MCPH1: variants seen among roughly 807,000 people sequenced by gnomAD.
MCPH1 encodes microcephalin 1.
A neutral mutation model predicts 84.5 loss-of-function variants in MCPH1; 104 were observed. The ratio of observed to expected loss-of-function variants is 1.23; its 90% CI spans 1.05 to 1.45. The LOEUF is 1.45. Ranked by LOEUF, MCPH1 falls within the 40% of genes most tolerant of loss-of-function variation. The probability of loss-of-function intolerance (pLI) is 0.00; values close to 1 mark genes in which losing one functional copy is unlikely to be tolerated. For missense variants in MCPH1, 1,498 were observed against 1,005.7 expected (o/e 1.49, Z -6.62); for synonymous variants, 514 against 366.8 (o/e 1.40, Z -4.58).
Position 6,563,082 on chromosome 8 carries a change from G to A in MCPH1, c.2215-58372G>A. On this transcript the variant is annotated intron_variant, in intron 12 of 13. Transcript: ENST00000344683. ...AAGTCTTCTCTTTCCTCTTTTTCCA[G>A]TAGCAAACCTGGTTTTTACTGCTGT... 14 of 840,888 alleles carry A rather than the reference G, an allele frequency of 1.7e-5. No individual in the cohort carries two copies. In the South Asian group the frequency reaches 2.3e-4, roughly 14 times the overall value. 52.1% of individuals were successfully genotyped at this position (840,888 alleles called of 1,614,324 possible).
intron 12 of MCPH1, among the ~76,000 whole-genome samples, chr8:6,544,104 C>G (rs1018714295): frequency 2.6e-5 from 4 of 152,208 alleles, no homozygotes; most frequent in Admixed American, 6.5e-5. Flanking sequence ...AATAGTATAA[C>G]TTTTTGTTTT....
intron 8 of MCPH1, among the ~76,000 whole-genome samples, chr8:6,454,049 GT>G (rs1035239453): frequency 6.6e-6 from 1 of 152,118 alleles, no homozygotes; most frequent in African/African-American, 2.4e-5. Context: ...AAGAGTGACA[GT>G]TTTTACCTTA....
intron 8 of MCPH1, among the ~76,000 whole-genome samples, chr8:6,449,826 C>G (rs1804881733): frequency 6.6e-6 from 1 of 152,154 alleles, no homozygotes; most frequent in Admixed American, 6.5e-5. Flanking sequence ...CCACCTGACC[C>G]TTAGCACTGC....
At chr8:6,493,354 T>G (rs1810867100) in intron 11 of MCPH1, among the ~76,000 whole-genome samples, 2 of 152,208 alleles carry the variant, frequency 1.3e-5, no homozygotes, top group African/African-American at 4.8e-5. Context: ...TGTGTTCAAT[T>G]GAGGTGAGCT....
intron 12 of MCPH1, among the ~76,000 whole-genome samples, chr8:6,536,090 A>G (rs1820438398): frequency 6.6e-6 from 1 of 152,084 alleles, no homozygotes; most frequent in Non-Finnish European, 1.5e-5. Context: ...AAAAGTAAAA[A>G]TACTTATGTT....
Position 6,554,791 on chromosome 8 carries a change from A to C in MCPH1, c.2214+54862A>C, listed in dbSNP as rs1323244400. Among the ~76,000 whole-genome samples the C allele has an allele frequency of 3.3e-5, 5 of 152,194 alleles. No individual in the cohort carries two copies. In the East Asian group the frequency reaches 5.8e-4, roughly 18 times the overall value. On this transcript the variant is annotated intron_variant, in intron 12 of 13. Coordinates refer to ENST00000344683, the MANE Select transcript of MCPH1 (RefSeq NM_024596.5). The stretch of plus-strand genomic sequence containing the variant: ...AGTCCACAGGTTTCAATCAGGTTCT[A>C]GATGAATTGCAAAGAGAAAGGTTTT...
intron 12 of MCPH1, among the ~76,000 whole-genome samples, chr8:6,532,143 C>CA (rs1374140864): frequency 3.9e-5 from 6 of 152,140 alleles, no homozygotes; most frequent in African/African-American, 1.4e-4. Flanking sequence ...GTATTAAAAA[C>CA]AAAAACAGAT....
intron 9 of MCPH1, among the ~76,000 whole-genome samples, chr8:6,468,768 G>A (rs186709242): frequency 5.3e-4 from 81 of 151,462 alleles, no homozygotes; most frequent in African/African-American, 1.9e-3. Context: ...GTTTGGAAAA[G>A]GTATTGTAGT....
intron 12 of MCPH1, among the ~76,000 whole-genome samples, chr8:6,542,860 A>G (rs1821862417): frequency 6.6e-6 from 1 of 151,990 alleles, no homozygotes; most frequent in East Asian, 1.9e-4. Flanking sequence ...AATGGCTAGA[A>G]AAGGGAAAAG....
chr8:6,615,628 C>G (rs1395839396), intron 12 of MCPH1: 1 of 152,184 alleles, frequency 6.6e-6, no homozygotes, highest in African/African-American at 2.4e-5. Context: ...CACATTTTAT[C>G]TTTTAAATGT....
At chr8:6,551,821 T>C (rs1313621015) in intron 12 of MCPH1, among the ~76,000 whole-genome samples, 2 of 152,196 alleles carry the variant, frequency 1.3e-5, no homozygotes, top group East Asian at 1.9e-4. Flanking sequence ...TTCAGCAAAA[T>C]ACAATAACGT....
chr8:6,451,369 G>C (rs1310944150), intron 8 of MCPH1, among the ~76,000 whole-genome samples: 1 of 152,196 alleles, frequency 6.6e-6, no homozygotes, highest in Non-Finnish European at 1.5e-5. Flanking sequence ...GAGAGGTAAG[G>C]TTAATAGAAA....
chr8:6,442,186 T>C, intron 7 of MCPH1, 30 bp downstream of exon 7: 2 of 1,392,944 alleles, frequency 1.4e-6, no homozygotes, highest in Non-Finnish European at 2.0e-6. Context: ...TTCTGTGATA[T>C]GTTTAAGTTT....
At chr8:6,605,737 A>C (rs1010396827) in intron 12 of MCPH1, among the ~76,000 whole-genome samples, 1 of 151,998 alleles carries the variant, frequency 6.6e-6, no homozygotes, top group Non-Finnish European at 1.5e-5. Flanking sequence ...TCACTCTGTC[A>C]CCCAGGCTGG....
At chr8:6,415,062 G>GC (rs1450036086) in intron 3 of MCPH1, among the ~76,000 whole-genome samples, 179 bp downstream of exon 3, 1 of 151,942 alleles carries the variant, frequency 6.6e-6, no homozygotes, top group Non-Finnish European at 1.5e-5. Context: ...AAATGGTCAT[G>GC]CTATAATACC....
chr8:6,624,407 G>A (rs148140493), intron 13 of MCPH1, among the ~76,000 whole-genome samples: 3 of 150,972 alleles, frequency 2.0e-5, no homozygotes, highest in East Asian at 1.9e-4. Context: ...TGTAGTGGGC[G>A]TCTCCAGCGT....
intron 12 of MCPH1, among the ~76,000 whole-genome samples, chr8:6,529,051 G>C (rs1285198470): frequency 1.3e-5 from 2 of 152,168 alleles, no homozygotes; most frequent in East Asian, 1.9e-4. Context: ...TAATTCATAA[G>C]GGTTATAACA....
At chr8:6,486,003 G>C (rs1002570152) in intron 11 of MCPH1, among the ~76,000 whole-genome samples, 1 of 152,106 alleles carries the variant, frequency 6.6e-6, no homozygotes, top group African/African-American at 2.4e-5. Flanking sequence ...AAAGATGACT[G>C]CTGCTTCTTG....
intron 12 of MCPH1, among the ~76,000 whole-genome samples, chr8:6,570,800 G>GTTTTTTTTTTTTTTTTTTTTTTTTTTT (rs1463366406): frequency 1.0e-5 from 1 of 96,386 alleles, no homozygotes. Context: ...CAGATGGATT[G>GTTTTTTTTTTTTTTTTTTTTTTTTTTT]TTGTTTTTTT....
Sources: allele counts gnomAD v4.1 joint callset (sites outside exome capture counted in the v4.1 genomes callset), GRCh38; gene constraint gnomAD v4.1.1; transcripts MANE v1.5; gene names NCBI Gene and HGNC (gene_info 2026-07-23, HGNC 2026-07-21).